The following RIMS2 variants were observed in gnomAD, a reference collection of about 807,000 sequenced individuals.
RIMS2 encodes regulating synaptic membrane exocytosis protein 2.
RIMS2 carries 59 observed loss-of-function variants against 174.4 expected under a neutral mutation model. That is an observed-to-expected ratio of 0.34 (90% CI 0.27 to 0.42). The LOEUF (loss-of-function observed/expected upper bound fraction) is 0.42. RIMS2 is among the 10% of genes least tolerant of loss of function. The probability of loss-of-function intolerance (pLI) is 1.00; values close to 1 mark genes in which losing one functional copy is unlikely to be tolerated. For synonymous variants in RIMS2, 606 were observed against 572.5 expected, an observed-to-expected ratio of 1.06 and a Z score of -0.84; for missense variants, 1,620 against 1,666.3, an observed-to-expected ratio of 0.97 and a Z score of 0.48.
chr8:103,923,072 G>C (rs975047163), intron 10 of RIMS2, among the ~76,000 whole-genome samples: 1 of 151,700 alleles, frequency 6.6e-6, no homozygotes, highest in Non-Finnish European at 1.5e-5. Flanking sequence ...TACAAAATAA[G>C]TAGCATCTTT....
At chr8:103,559,914 A>G (rs1453906624) in intron 1 of RIMS2, among the ~76,000 whole-genome samples, 1 of 152,220 alleles carries the variant, frequency 6.6e-6, no homozygotes, top group African/African-American at 2.4e-5. Flanking sequence ...TGAAATAAAG[A>G]AGGCCAGATT....
At chr8:103,633,445 G>C (rs753580246) in intron 1 of RIMS2, among the ~76,000 whole-genome samples, 1 of 152,134 alleles carries the variant, frequency 6.6e-6, no homozygotes, top group South Asian at 2.1e-4. Flanking sequence ...CAGTTTGCAA[G>C]TATTTTGCTG....
chr8:104,037,383 G>A (rs1267686773), intron 19 of RIMS2, among the ~76,000 whole-genome samples: 1 of 152,120 alleles, frequency 6.6e-6, no homozygotes, highest in African/African-American at 2.4e-5. Flanking sequence ...TGTCAGGAAC[G>A]TTTTTAACAT....
At chr8:103,632,769 C>T (rs144817186) in intron 1 of RIMS2, among the ~76,000 whole-genome samples, 15,677 of 108,058 alleles carry the variant, frequency 0.15, 1,079 homozygotes, top group Middle Eastern at 0.38. Context: ...GATGGAGTAT[C>T]GCTCTGTAGC....
At chr8:103,889,688 CT>C (rs1200412377) in intron 4 of RIMS2, among the ~76,000 whole-genome samples, 1 of 151,612 alleles carries the variant, frequency 6.6e-6, no homozygotes, top group Non-Finnish European at 1.5e-5. Flanking sequence ...TTTTCTTCTT[CT>C]ATCTTTAGCC....
chr8:103,997,865 T>C (rs934784709), intron 17 of RIMS2, among the ~76,000 whole-genome samples: 4 of 151,670 alleles, frequency 2.6e-5, no homozygotes, highest in African/African-American at 9.7e-5. Flanking sequence ...TTTATTTTTC[T>C]CATCTCATCT....
At chr8:103,559,355 G>T (rs969669047) in intron 1 of RIMS2, 11 of 267,944 alleles carry the variant, frequency 4.1e-5, no homozygotes, top group Non-Finnish European at 8.0e-5. Flanking sequence ...TATGCCCTTG[G>T]TGGTGATCTC....
chr8:103,818,389 T>C (rs1261645000), intron 3 of RIMS2, among the ~76,000 whole-genome samples: 1 of 152,212 alleles, frequency 6.6e-6, no homozygotes, highest in Non-Finnish European at 1.5e-5. Context: ...AGATCTGTTA[T>C]GGAAAGATGG....
chr8:103,887,312 C>T (rs1186176050), intron 4 of RIMS2, among the ~76,000 whole-genome samples: 1 of 150,970 alleles, frequency 6.6e-6, no homozygotes, highest in African/African-American at 2.4e-5. Context: ...GGATTTTACC[C>T]CATTTAACTA....
rs150637434 is a variant in RIMS2, at chr8:103,848,684, T to C, written c.699-36614T>C. Among the ~76,000 whole-genome samples, 933 of 152,172 alleles carry C rather than the reference T, an allele frequency of 6.1e-3. 12 individuals carry two copies. Among genetic ancestry groups the C allele is most frequent in the African/African-American group, 0.021 (883 of 41,556 alleles). ...TGGGTTTATGTTGTTCTACCACAGA[T>C]ATCTCTAGTACCATGGGTTATATGG... On this transcript the variant is annotated intron_variant, in intron 3 of 23. Transcript: ENST00000504942.
At chr8:103,925,787 GA>G (rs1278634270) in intron 10 of RIMS2, among the ~76,000 whole-genome samples, 1 of 151,548 alleles carries the variant, frequency 6.6e-6, no homozygotes, top group Non-Finnish European at 1.5e-5. Context: ...GTAAAGTTCA[GA>G]GTGTTCTGGG....
intron 19 of RIMS2, among the ~76,000 whole-genome samples, chr8:104,043,006 A>G (rs2096634419): frequency 6.6e-6 from 1 of 151,678 alleles, no homozygotes; most frequent in South Asian, 2.1e-4. Flanking sequence ...ACGGATATTC[A>G]TGAAAGAAGA....
At chr8:103,975,409 A>G (rs745508470) in exon 16 of RIMS2, 2 of 1,612,796 alleles carry the variant, frequency 1.2e-6, no homozygotes, top group Non-Finnish European at 1.7e-6. Flanking sequence ...AGAACAAGTA[A>G]TGTCATCAAA....
intron 1 of RIMS2, among the ~76,000 whole-genome samples, chr8:103,511,788 G>A (rs1826547453): frequency 6.6e-6 from 1 of 152,106 alleles, no homozygotes; most frequent in South Asian, 2.1e-4. Flanking sequence ...ATTTGAACAG[G>A]GACATTTTGA....
intron 2 of RIMS2, among the ~76,000 whole-genome samples, chr8:103,722,143 G>T (rs1201498838): frequency 6.6e-6 from 1 of 152,034 alleles, no homozygotes; most frequent in Non-Finnish European, 1.5e-5. Flanking sequence ...GCCAAGGTGG[G>T]CAGATCACTT....
chr8:103,584,601 G>A (rs1466904728), intron 1 of RIMS2, among the ~76,000 whole-genome samples: 1 of 152,112 alleles, frequency 6.6e-6, no homozygotes, highest in Non-Finnish European at 1.5e-5. Flanking sequence ...TGAAGTTAAG[G>A]CATAGAGTTT....
chr8:103,856,103 C>A (rs35104198), intron 3 of RIMS2, among the ~76,000 whole-genome samples: 19,903 of 151,958 alleles, frequency 0.13, 1,765 homozygotes, highest in Non-Finnish European at 0.2. Flanking sequence ...TTGGATTGTA[C>A]CCTTTATCAT....
At chr8:103,884,955 T>C (rs1184718672) in intron 3 of RIMS2, among the ~76,000 whole-genome samples, 1 of 151,866 alleles carries the variant, frequency 6.6e-6, no homozygotes, top group East Asian at 1.9e-4. Flanking sequence ...TTTTCTAAGC[T>C]GCTGAATAAT....
At chr8:103,531,889 T>A (rs75077447) in intron 1 of RIMS2, among the ~76,000 whole-genome samples, 2,910 of 152,290 alleles carry the variant, frequency 0.019, 34 homozygotes, top group Non-Finnish European at 0.029. Flanking sequence ...TTTAACACTA[T>A]CTCAGCAGAC....
Sources: allele counts gnomAD v4.1 joint callset (sites outside exome capture counted in the v4.1 genomes callset), GRCh38; gene constraint gnomAD v4.1.1; transcripts MANE v1.5; gene names NCBI Gene and HGNC (gene_info 2026-07-23, HGNC 2026-07-21).